BABAM2: variants seen among roughly 807,000 people sequenced by gnomAD.
BABAM2 encodes BRISC and BRCA1 A complex member 2, also known as BRISC and BRCA1-A complex member 2.
BABAM2 carries 31 observed loss-of-function variants against 54.7 expected under a neutral mutation model. The ratio of observed to expected loss-of-function variants is 0.57; its 90% CI spans 0.43 to 0.77. The LOEUF is 0.77. BABAM2 is among the 30% of genes least tolerant of loss of function. The pLI is 0.00. For synonymous variants in BABAM2, 167 were observed against 162.9 expected (o/e 1.03, Z -0.19); for missense variants, 364 against 455.8 (o/e 0.80, Z 1.83).
intron 4 of BABAM2, among the ~76,000 whole-genome samples, chr2:28,005,344 G>T (rs1348421085): frequency 2.0e-5 from 3 of 151,988 alleles, no homozygotes; most frequent in Non-Finnish European, 4.4e-5. Context: ...TTAATCTAAG[G>T]ATTTTGACTT....
At chr2:28,209,350 A>G (rs577316357) in intron 7 of BABAM2, among the ~76,000 whole-genome samples, 2 of 152,320 alleles carry the variant, frequency 1.3e-5, no homozygotes, top group Admixed American at 1.3e-4. Context: ...ATTACCTATT[A>G]GCAATCTGCT....
intron 11 of BABAM2, among the ~76,000 whole-genome samples, chr2:28,331,482 C>G (rs1690955766): frequency 6.6e-6 from 1 of 152,054 alleles, no homozygotes; most frequent in Non-Finnish European, 1.5e-5. Context: ...AGGAAAAAAA[C>G]AACTCCATTA....
intron 6 of BABAM2, among the ~76,000 whole-genome samples, chr2:28,103,295 T>C (rs1330531218): frequency 6.9e-6 from 1 of 144,718 alleles, no homozygotes; most frequent in Non-Finnish European, 1.5e-5. Flanking sequence ...CATTATTTAC[T>C]TAGTATTTTT....
At chr2:28,099,456 G>A (rs1027051634) in intron 6 of BABAM2, among the ~76,000 whole-genome samples, 9 of 152,128 alleles carry the variant, frequency 5.9e-5, no homozygotes, top group Non-Finnish European at 1.0e-4. Flanking sequence ...TTGCATTAAC[G>A]ATATGATTTC....
chr2:28,285,978 C>CA (rs1686763918), intron 10 of BABAM2, among the ~76,000 whole-genome samples: 1 of 142,408 alleles, frequency 7.0e-6, no homozygotes, highest in South Asian at 2.2e-4. Context: ...TTTTTTGAGA[C>CA]AGAGTCTCAT....
chr2:28,007,399 C>T lies in BABAM2; in HGVS notation c.301-17827C>T, dbSNP rs959894273. 3.3e-5 allele frequency among the ~76,000 whole-genome samples: 5 copies of T among 152,074 alleles called. 1 individual carries two copies. In the East Asian group the frequency reaches 9.7e-4, roughly 29 times the overall value. On this transcript the variant is annotated intron_variant, in intron 4 of 11. Transcript: ENST00000379624. The stretch of plus-strand genomic sequence containing the variant: ...GCCATTACCAGTACTAAGGAAGCTG[C>T]AAATGGAAGAAATTTGATCAAAATT...
intron 3 of BABAM2, among the ~76,000 whole-genome samples, chr2:27,940,922 C>T (rs919683025): frequency 2.0e-5 from 3 of 152,162 alleles, no homozygotes; most frequent in African/African-American, 7.2e-5. Context: ...CTAACCGCCC[C>T]TCCACCCCAA....
intron 11 of BABAM2, among the ~76,000 whole-genome samples, chr2:28,332,825 G>A (rs1691080707): frequency 6.6e-6 from 1 of 152,210 alleles, no homozygotes; most frequent in South Asian, 2.1e-4. Flanking sequence ...GATGCCACAA[G>A]GATGCCATGA....
At chr2:28,015,266 A>G (rs1674715677) in intron 4 of BABAM2, among the ~76,000 whole-genome samples, 1 of 152,156 alleles carries the variant, frequency 6.6e-6, no homozygotes, top group Admixed American at 6.5e-5. Context: ...TAACCCTAAA[A>G]GCTCCTTCCC....
At chr2:28,308,651 GTCCTC>G in intron 11 of BABAM2, 1 of 326,560 alleles carries the variant, frequency 3.1e-6, no homozygotes, top group South Asian at 2.7e-5. Flanking sequence ...AAAAGCATAG[GTCCTC>G]TGACCCTTCT....
At chr2:28,053,261 A>G (rs980486848) in intron 6 of BABAM2, among the ~76,000 whole-genome samples, 2 of 152,230 alleles carry the variant, frequency 1.3e-5, no homozygotes, top group South Asian at 4.1e-4. Context: ...TTTTGAAATC[A>G]GTAAAGTCAC....
chr2:28,060,976 A>T (rs1305995104), intron 6 of BABAM2, among the ~76,000 whole-genome samples: 1 of 152,220 alleles, frequency 6.6e-6, no homozygotes, highest in Non-Finnish European at 1.5e-5. Context: ...TGACAATCTG[A>T]TTCTAAAATT....
chr2:27,957,288 C>T (rs1369736389), intron 3 of BABAM2, among the ~76,000 whole-genome samples: 4 of 152,158 alleles, frequency 2.6e-5, no homozygotes, highest in Non-Finnish European at 4.4e-5. Context: ...CATCTATGCA[C>T]CAGTTACTAT....
chr2:27,928,303 C>T (rs986244355), intron 2 of BABAM2, among the ~76,000 whole-genome samples: 1 of 151,804 alleles, frequency 6.6e-6, no homozygotes, highest in East Asian at 1.9e-4. Context: ...TGTGAGCCAC[C>T]GCGCCTGGCC....
At chr2:28,209,852 A>G (rs1036940503) in intron 7 of BABAM2, among the ~76,000 whole-genome samples, 5 of 152,214 alleles carry the variant, frequency 3.3e-5, no homozygotes, top group Non-Finnish European at 7.3e-5. Context: ...TTTTGGAAAT[A>G]AAATTATTTA....
Position 27,894,568 on chromosome 2 carries a change from A to G in BABAM2, c.12A>G (p.Glu4=), listed in dbSNP as rs934630901. The G allele has an allele frequency of 1.9e-6, 3 of 1,613,984 alleles. No homozygotes were observed. The highest frequency in any genetic ancestry group is 2.7e-5 in the African/African-American group (2 of 74,918). The change falls in exon 2 of 12, where the codon GAA becomes GAG. Residue 4 remains glutamate, a synonymous_variant. Transcript: ENST00000379624. Reference sequence around the variant, plus strand: ...CAAGTCAAGTTAAAATGTCCCCAGAAGTGGCCTTGAACCGAATATCTCCAA... The same window carrying G: ...CAAGTCAAGTTAAAATGTCCCCAGAGGTGGCCTTGAACCGAATATCTCCAA... MSP[E]VALNRISPML...
intron 6 of BABAM2, among the ~76,000 whole-genome samples, chr2:28,104,929 TA>T (rs1337020824): frequency 6.6e-6 from 1 of 151,554 alleles, no homozygotes; most frequent in Non-Finnish European, 1.5e-5. Flanking sequence ...CTCAGCAAAC[TA>T]TCACAAGGAC....
At chr2:28,049,516 A>G (rs1044187487) in intron 6 of BABAM2, among the ~76,000 whole-genome samples, 2 of 152,236 alleles carry the variant, frequency 1.3e-5, no homozygotes, top group Non-Finnish European at 2.9e-5. Context: ...TTAATATCAC[A>G]CACTGAGCCC....
chr2:27,978,130 G>C (rs1398913378), intron 3 of BABAM2, among the ~76,000 whole-genome samples: 1 of 152,154 alleles, frequency 6.6e-6, no homozygotes, highest in African/African-American at 2.4e-5. Context: ...AAGTGTTTGG[G>C]TCATGGGGGT....
Sources: gnomAD v4.1 joint callset for allele counts (sites outside exome capture counted in the v4.1 genomes callset) on GRCh38, gnomAD v4.1.1 for gene constraint, MANE v1.5 for transcripts, NCBI Gene and HGNC (gene_info 2026-07-23, HGNC 2026-07-21) for gene names.